The following DLG2 variants were observed in gnomAD, a reference collection of about 807,000 sequenced individuals.
DLG2 encodes the protein discs large MAGUK scaffold protein 2.
A neutral mutation model predicts 132.5 loss-of-function variants in DLG2; 45 were observed. That is an observed-to-expected ratio of 0.34 (90% confidence interval 0.27 to 0.44). The LOEUF is 0.44. Ranked by LOEUF, DLG2 falls within the 20% of genes least tolerant of loss-of-function variation. DLG2 has a pLI of 1.00. For synonymous variants in DLG2, 424 were observed against 419.6 expected, an observed-to-expected ratio of 1.01 and a Z score of -0.13; for missense variants, 1,045 against 1,196.9, an observed-to-expected ratio of 0.87 and a Z score of 1.87.
chr11:85,393,668 G>A (rs775629294), intron 3 of DLG2, among the ~76,000 whole-genome samples: 12 of 146,310 alleles, frequency 8.2e-5, no homozygotes, highest in Non-Finnish European at 1.8e-4. Context: ...TGTGTATTCA[G>A]GTTGCAGCAA....
At chr11:83,639,663 C>T (rs377641054) in intron 18 of DLG2, among the ~76,000 whole-genome samples, 5 of 151,102 alleles carry the variant, frequency 3.3e-5, no homozygotes, top group South Asian at 2.1e-4. Flanking sequence ...TGTTAAATGA[C>T]GAGTTAATGG....
At chr11:85,565,299 T>C (rs2077471303) in intron 3 of DLG2, among the ~76,000 whole-genome samples, 1 of 152,090 alleles carries the variant, frequency 6.6e-6, no homozygotes, top group Non-Finnish European at 1.5e-5. Context: ...GGAAAAGCAT[T>C]CAATATTTGA....
At chr11:84,323,579 A>G (rs1265308303) in intron 7 of DLG2, among the ~76,000 whole-genome samples, 1 of 152,092 alleles carries the variant, frequency 6.6e-6, no homozygotes, top group East Asian at 1.9e-4. Flanking sequence ...GTTGAATTAT[A>G]TGGTAGCTCT....
intron 11 of DLG2, among the ~76,000 whole-genome samples, chr11:84,040,928 G>T (rs376228416): frequency 6.6e-6 from 1 of 151,658 alleles, no homozygotes; most frequent in Admixed American, 6.6e-5. Flanking sequence ...CCTTGAAGAG[G>T]TCCTTCATAT....
intron 4 of DLG2, among the ~76,000 whole-genome samples, chr11:85,243,800 A>T (rs1449591782): frequency 6.6e-6 from 1 of 152,006 alleles, no homozygotes; most frequent in Non-Finnish European, 1.5e-5. Flanking sequence ...CTCACTAAAT[A>T]TCTCTAAATA....
At chr11:84,970,782 T>C (rs2053994462) in intron 6 of DLG2, among the ~76,000 whole-genome samples, 1 of 152,220 alleles carries the variant, frequency 6.6e-6, no homozygotes, top group Non-Finnish European at 1.5e-5. Context: ...CACATTTATT[T>C]TTTTAACTAA....
At chr11:83,746,760 G>C (rs970138397) in intron 18 of DLG2, among the ~76,000 whole-genome samples, 3 of 152,070 alleles carry the variant, frequency 2.0e-5, no homozygotes, top group African/African-American at 4.8e-5. Flanking sequence ...ACTCCCTTCA[G>C]TTTTTCTTTC....
chr11:84,762,524 A>T (rs776417448), intron 6 of DLG2, among the ~76,000 whole-genome samples: 1 of 152,204 alleles, frequency 6.6e-6, no homozygotes, highest in Non-Finnish European at 1.5e-5. Context: ...CAAGAAAACT[A>T]TTCATATCAG....
At chr11:85,412,999 T>A (rs532989177) in intron 3 of DLG2, among the ~76,000 whole-genome samples, 2 of 151,862 alleles carry the variant, frequency 1.3e-5, no homozygotes, top group Non-Finnish European at 2.9e-5. Flanking sequence ...CTGTTTTCCA[T>A]AGTGGTTGTA....
chr11:84,839,440 T>C (rs2080291310), intron 6 of DLG2, among the ~76,000 whole-genome samples: 1 of 152,096 alleles, frequency 6.6e-6, no homozygotes. Context: ...ATAGATTCAA[T>C]GCCATCCCCA....
intron 6 of DLG2, among the ~76,000 whole-genome samples, chr11:84,895,956 T>G (rs2090131113): frequency 6.6e-6 from 1 of 152,148 alleles, no homozygotes; most frequent in Admixed American, 6.6e-5. Context: ...GCTACTTTAT[T>G]AATATTTTTG....
chr11:84,832,885 G>A (rs1219122259), intron 6 of DLG2, among the ~76,000 whole-genome samples: 2 of 151,254 alleles, frequency 1.3e-5, no homozygotes, highest in African/African-American at 2.4e-5. Flanking sequence ...TAGCAATTTT[G>A]CTCAGCAACT....
At chr11:84,105,439 T>G (rs7928811) in intron 9 of DLG2, among the ~76,000 whole-genome samples, 77,642 of 152,036 alleles carry the variant, frequency 0.51, 23,955 homozygotes, top group Middle Eastern at 0.7. Context: ...CAAGCAATGT[T>G]AGTTCAATTC....
At chr11:84,245,457 CCTAA>C (rs2097291127) in intron 8 of DLG2, among the ~76,000 whole-genome samples, 1 of 152,154 alleles carries the variant, frequency 6.6e-6, no homozygotes, top group Non-Finnish European at 1.5e-5. Context: ...TTCTTCATAA[CCTAA>C]CTCTTATTTG....
At chr11:84,780,600 G>T (rs900362552) in intron 6 of DLG2, among the ~76,000 whole-genome samples, 1 of 151,980 alleles carries the variant, frequency 6.6e-6, no homozygotes, top group African/African-American at 2.4e-5. Flanking sequence ...AATTCTGATT[G>T]CCTAACATCC....
chr11:83,945,954 T>TTCC (rs374121363), intron 14 of DLG2, among the ~76,000 whole-genome samples: 3,512 of 145,254 alleles, frequency 0.024, 63 homozygotes, highest in East Asian at 0.11. Flanking sequence ...CCTTCCTTCC[T>TTCC]TTCCTTCCTT....
In DLG2 at chr11:84,071,254, C is replaced by CT. The variant is rs895695770; in HGVS notation, c.750-11771dup. 1.1e-4 allele frequency among the ~76,000 whole-genome samples: 17 copies of CT among 151,078 alleles called. No homozygotes were observed. In the East Asian group the frequency reaches 1.6e-3, roughly 14 times the overall value. On this transcript the variant is annotated intron_variant, in intron 10 of 27. Coordinates refer to ENST00000376104, the MANE Select transcript of DLG2 (RefSeq NM_001142699.3). ...CTACGAGTGCACACCATCACACTGG[C>CT]TTTTTTTTTATTTTTATTTTTTGTA...
chr11:84,703,540 T>G (rs564780696), intron 6 of DLG2, among the ~76,000 whole-genome samples: 21 of 151,540 alleles, frequency 1.4e-4, no homozygotes, highest in Middle Eastern at 3.4e-3. Flanking sequence ...ACACCCTCTA[T>G]GAGATAAACA....
chr11:83,578,821 G>C (rs1339629767), intron 19 of DLG2, among the ~76,000 whole-genome samples: 1 of 152,144 alleles, frequency 6.6e-6, no homozygotes, highest in East Asian at 1.9e-4. Flanking sequence ...TTCTTTTCAA[G>C]TGCGTATGAA....
Sources: gnomAD v4.1 joint callset for allele counts (sites outside exome capture counted in the v4.1 genomes callset) on GRCh38, gnomAD v4.1.1 for gene constraint, MANE v1.5 for transcripts, NCBI Gene and HGNC (gene_info 2026-07-23, HGNC 2026-07-21) for gene names.